Variants in FUT8 observed in about 807,000 individuals in gnomAD.
FUT8 encodes the protein fucosyltransferase 8, also known as alpha-(1,6)-fucosyltransferase.
In FUT8, 29 loss-of-function variants were observed where a neutral mutation model predicts 71.3. The ratio of observed to expected loss-of-function variants is 0.41; its 90% CI spans 0.30 to 0.55. FUT8 has a LOEUF of 0.55. FUT8 is among the 20% of genes least tolerant of loss of function. The pLI is 0.34. For synonymous variants in FUT8, 254 were observed against 239.3 expected (o/e 1.06, Z -0.57); for missense variants, 544 against 702.1 (o/e 0.77, Z 2.55).
intron 6 of FUT8, among the ~76,000 whole-genome samples, chr14:65,641,466 T>G (rs1213178560): frequency 6.6e-6 from 1 of 152,222 alleles, no homozygotes; most frequent in Non-Finnish European, 1.5e-5. Flanking sequence ...TAAACTGTTG[T>G]GAATATTTAT....
chr14:65,561,662 T>C lies in FUT8; in HGVS notation c.99T>C (p.Asn33=). 3.1e-6 allele frequency: 5 copies of C among 1,613,602 alleles called. No homozygotes were observed. The highest frequency in any genetic ancestry group is 4.2e-6 in the Non-Finnish European group (5 of 1,179,608). The part of the protein sequence containing the change: ...FYIGGHLVRD[N]DHPDHSSREL... ...TAGGTGGTCACTTGGTACGAGATAA[T>C]GACCATCCTGATCACTCTAGCCGAG... is the stretch of plus-strand genomic sequence containing the variant. Residue 33 remains asparagine (N), a synonymous_variant, in exon 3 of 11, where the codon AAT becomes AAC. Transcript: ENST00000673929.
chr14:65,706,217 ACTT>A (rs1894544114), intron 7 of FUT8, among the ~76,000 whole-genome samples: 1 of 152,198 alleles, frequency 6.6e-6, no homozygotes, highest in African/African-American at 2.4e-5. Flanking sequence ...GTTAAATATA[ACTT>A]CTTCAAGGTC....
At chr14:65,623,451 C>A (rs954704219) in intron 5 of FUT8, among the ~76,000 whole-genome samples, 1 of 152,088 alleles carries the variant, frequency 6.6e-6, no homozygotes, top group Non-Finnish European at 1.5e-5. Context: ...GGCGCGGTGG[C>A]TCATGCCTGT....
intron 3 of FUT8, among the ~76,000 whole-genome samples, chr14:65,579,186 T>C (rs1886947520): frequency 6.6e-6 from 1 of 151,942 alleles, no homozygotes; most frequent in African/African-American, 2.4e-5. Flanking sequence ...GAAATAAAAA[T>C]CTTCCAAAGA....
At chr14:65,430,445 A>G (rs1389852765) in intron 1 of FUT8, 3 of 152,208 alleles carry the variant, frequency 2.0e-5, no homozygotes, top group Non-Finnish European at 4.4e-5. Context: ...GTCAATGTAA[A>G]TGAAAAGAGA....
chr14:65,600,622 C>A (rs1360461322), intron 3 of FUT8, among the ~76,000 whole-genome samples: 1 of 152,070 alleles, frequency 6.6e-6, no homozygotes, highest in Non-Finnish European at 1.5e-5. Flanking sequence ...AAAAAATATG[C>A]ATAAGACGAT....
the FUT8 span, among the ~76,000 whole-genome samples, chr14:65,365,276 C>A: frequency 6.6e-6 from 1 of 151,716 alleles, no homozygotes; most frequent in Non-Finnish European, 1.5e-5. Context: ...ACCCTGCCCT[C>A]CTAAAGAGCA....
chr14:65,718,533 GT>G (rs1335657254), intron 7 of FUT8, among the ~76,000 whole-genome samples: 1 of 152,100 alleles, frequency 6.6e-6, no homozygotes, highest in South Asian at 2.1e-4. Flanking sequence ...AAATTATGTG[GT>G]TTTTTGTATG....
chr14:65,389,081 A>T, the FUT8 span, among the ~76,000 whole-genome samples: 1 of 150,364 alleles, frequency 6.7e-6, no homozygotes. Flanking sequence ...AGCTCACTGT[A>T]GCCTTGGACT....
At chr14:65,498,231 CT>C (rs1234798662) in intron 2 of FUT8, among the ~76,000 whole-genome samples, 1 of 152,090 alleles carries the variant, frequency 6.6e-6, no homozygotes, top group Non-Finnish European at 1.5e-5. Context: ...TTCACATGAC[CT>C]TATTTTTTTT....
intron 3 of FUT8, among the ~76,000 whole-genome samples, chr14:65,573,683 T>C (rs2140088886): frequency 6.6e-6 from 1 of 150,552 alleles, no homozygotes; most frequent in Admixed American, 6.6e-5. Flanking sequence ...TGATCGTGCC[T>C]GTGAATAGCC....
intron 2 of FUT8, among the ~76,000 whole-genome samples, chr14:65,479,421 G>T (rs769747443): frequency 6.6e-6 from 1 of 152,028 alleles, no homozygotes; most frequent in African/African-American, 2.4e-5. Flanking sequence ...TCTAACACTG[G>T]GTATTCTTGA....
At chr14:65,399,397 T>C in the FUT8 span, among the ~76,000 whole-genome samples, 1 of 152,228 alleles carries the variant, frequency 6.6e-6, no homozygotes, top group African/African-American at 2.4e-5. Context: ...AATTTTGCCA[T>C]GTTGGTGAAC....
upstream of FUT8, among the ~76,000 whole-genome samples, chr14:65,410,311 T>C (rs937205651): frequency 2.0e-5 from 3 of 152,204 alleles, no homozygotes; most frequent in African/African-American, 7.2e-5. Context: ...GTGTAAAGAC[T>C]TGTTCTCAAA....
At chr14:65,544,871 A>G (rs1302229239) in intron 2 of FUT8, among the ~76,000 whole-genome samples, 1 of 152,044 alleles carries the variant, frequency 6.6e-6, no homozygotes, top group Non-Finnish European at 1.5e-5. Context: ...TGAAAATCAA[A>G]TTTTATAATC....
intron 2 of FUT8, among the ~76,000 whole-genome samples, chr14:65,475,334 G>A (rs2066221420): frequency 6.6e-6 from 1 of 152,020 alleles, no homozygotes; most frequent in Non-Finnish European, 1.5e-5. Flanking sequence ...AGGCGTAGGA[G>A]GTATTTGGGT....
intron 7 of FUT8, among the ~76,000 whole-genome samples, chr14:65,693,160 G>T (rs1893785290): frequency 6.6e-6 from 1 of 152,186 alleles, no homozygotes; most frequent in South Asian, 2.1e-4. Context: ...GCAGGCGGCT[G>T]GGAGGTGGAG....
At position 65,614,813 on chromosome 14, in the gene FUT8, A is replaced by G. The variant is rs74702329; in HGVS notation, c.204-1165A>G. 5.7e-3 allele frequency among the ~76,000 whole-genome samples: 875 copies of G among 152,336 alleles called. 30 individuals carry two copies. The East Asian group carries it at 0.093, about 16-fold the overall frequency. ...ATATTCAGAGTTTCTTTTGCCATAA[A>G]GAGTAATATTCACAGATTTCATGAT... On this transcript the variant is annotated intron_variant, in intron 3 of 10. Transcript: ENST00000673929.
chr14:65,684,166 T>C (rs1893166430), intron 7 of FUT8, among the ~76,000 whole-genome samples: 1 of 152,052 alleles, frequency 6.6e-6, no homozygotes, highest in South Asian at 2.1e-4. Context: ...ACTTCTACTA[T>C]AATAACTATA....
Sources: allele counts gnomAD v4.1 joint callset (sites outside exome capture counted in the v4.1 genomes callset), GRCh38; gene constraint gnomAD v4.1.1; transcripts MANE v1.5; gene names NCBI Gene and HGNC (gene_info 2026-07-23, HGNC 2026-07-21).